ATP1A1: variants seen among roughly 807,000 people sequenced by gnomAD.
The protein encoded by ATP1A1 is sodium/potassium-transporting ATPase subunit alpha-1.
In ATP1A1, 14 loss-of-function variants were observed where a neutral mutation model predicts 114.8. That is an observed-to-expected ratio of 0.12 (90% CI 0.08 to 0.19). The LOEUF (loss-of-function observed/expected upper bound fraction) is 0.19. ATP1A1 is among the 10% of genes least tolerant of loss of function. The probability of loss-of-function intolerance (pLI) is 1.00; values close to 1 mark genes in which losing one functional copy is unlikely to be tolerated. For synonymous variants in ATP1A1, 471 were observed against 466.3 expected (o/e 1.01, Z -0.13); for missense variants, 524 against 1,290.7 (o/e 0.41, Z 9.10).
rs1357811288 is a variant in ATP1A1 at position 116,389,041 on chromosome 1, T to G, written c.754+22T>G. 6.3e-7 allele frequency: 1 copy of G among 1,588,662 alleles called. No homozygotes were observed. Among genetic ancestry groups the G allele is most frequent in the Non-Finnish European group, 8.6e-7 (1 of 1,157,360 alleles). ...GAAGGTAGGCCATTTTTGGGCACTT[T>G]GAGCATGGCGTGGTATTTCTCTTGG... On this transcript the variant is annotated intron_variant, in intron 7 of 22. Transcript: ENST00000295598. The surrounding 1 kb of genome is among the most constrained non-coding windows in gnomAD (Gnocchi z 6.9).
rs199784564 is a variant in ATP1A1, at chr1:116,384,166, A to G, written c.123+42A>G. 1 of 1,548,168 alleles carries G rather than the reference A, an allele frequency of 6.5e-7. No homozygotes were observed. The highest frequency in any genetic ancestry group is 1.7e-5 in the Admixed American group (1 of 57,756). On this transcript the variant is annotated intron_variant, in intron 2 of 22. Coordinates refer to ENST00000295598, the MANE Select transcript of ATP1A1 (RefSeq NM_000701.8). This position sits in a 1 kb window ranked among gnomAD's most constrained non-coding sequence, Gnocchi z 5.1. ...ATATTGTATTCCATCCTTATTAAAA[A>G]TCCATGATTTTTAATCCCCCAGGCC...
intron 10 of ATP1A1, chr1:116,392,133 A>G (rs1367836622): frequency 6.6e-6 from 1 of 152,270 alleles, no homozygotes; most frequent in Non-Finnish European, 1.5e-5. Flanking sequence ...AGGTTTACCT[A>G]TATAAAATTT....
intron 1 of ATP1A1, among the ~76,000 whole-genome samples, chr1:116,377,148 C>G (rs918649036): frequency 2.6e-5 from 4 of 152,142 alleles, no homozygotes; most frequent in African/African-American, 4.8e-5. Context: ...TAAAAACAAA[C>G]AGGTTTAAAA....
chr1:116,393,801 G>A lies in ATP1A1; in HGVS notation c.1660+78G>A. On this transcript the variant is annotated intron_variant, in intron 12 of 22. Coordinates refer to ENST00000295598, the MANE Select transcript of ATP1A1 (RefSeq NM_000701.8). This position sits in a 1 kb window ranked among gnomAD's most constrained non-coding sequence, Gnocchi z 5.0. The stretch of plus-strand genomic sequence containing the variant: ...CTAGTCTGGTAGACAGTTAACAAGT[G>A]ATCCTATGAACCTCTATGTCTTGTT... 1 of 1,396,984 alleles carries A rather than the reference G, an allele frequency of 7.2e-7. No homozygotes were observed. Among genetic ancestry groups the A allele is most frequent in the Non-Finnish European group, 9.7e-7 (1 of 1,033,836 alleles). 86.5% of individuals were successfully genotyped at this position (1,396,984 alleles called of 1,614,324 possible).
intron 1 of ATP1A1, chr1:116,373,977 A>C: frequency 7.3e-7 from 1 of 1,376,572 alleles, no homozygotes; most frequent in South Asian, 1.7e-5. Context: ...CCGTGCCCTG[A>C]GGAAAGGCGC....
In ATP1A1 at chr1:116,404,496, A is replaced by ACCCAC. The variant is rs753455374; in HGVS notation, c.*56_*60dup. 1 of 1,574,352 alleles carries ACCCAC rather than the reference A, an allele frequency of 6.4e-7. No homozygotes were observed. The highest frequency in any genetic ancestry group is 8.6e-7 in the Non-Finnish European group (1 of 1,165,582). The stretch of plus-strand genomic sequence containing the variant: ...TCAGGCCACACACTCTGCATCCGAC[A>ACCCAC]CCCACCCCCTCTTTGTGTACTTCAG... On this transcript the variant is annotated 3_prime_UTR_variant, in exon 23 of 23. Transcript: ENST00000295598. The surrounding 1 kb of genome is among the most constrained non-coding windows in gnomAD (Gnocchi z 4.8).
chr1:116,373,729 C>T (rs1651150273), intron 1 of ATP1A1: 2 of 935,308 alleles, frequency 2.1e-6, no homozygotes, highest in Admixed American at 6.6e-5. Flanking sequence ...GAAGGGAGCG[C>T]CGAGGGGCTG....
At chr1:116,382,067 C>A (rs1651782169) in intron 1 of ATP1A1, among the ~76,000 whole-genome samples, 1 of 152,068 alleles carries the variant, frequency 6.6e-6, no homozygotes. Flanking sequence ...CCCAGCTACT[C>A]AGGAGGCTGA....
Position 116,395,020 on chromosome 1 carries a change from G to C in ATP1A1, c.1661-90G>C. On this transcript the variant is annotated intron_variant, in intron 12 of 22. Coordinates refer to ENST00000295598, the MANE Select transcript of ATP1A1 (RefSeq NM_000701.8). The surrounding 1 kb of genome is among the most constrained non-coding windows in gnomAD (Gnocchi z 6.4). ...AAAATTTTCCAAAGTAAACACTCCA[G>C]AGAAAGGTAGGCGGGCTGAATAGGC... The C allele has an allele frequency of 7.3e-7, 1 of 1,374,686 alleles. No individual in the cohort carries two copies. Among genetic ancestry groups the C allele is most frequent in the East Asian group, 2.4e-5 (1 of 41,598 alleles). 85.2% of individuals were successfully genotyped at this position (1,374,686 alleles called of 1,614,324 possible).
chr1:116,397,751 G>T lies in ATP1A1; in HGVS notation c.1974-137G>T. 9.2e-7 allele frequency: 1 copy of T among 1,091,544 alleles called. No individual in the cohort carries two copies. The highest frequency in any genetic ancestry group is 1.6e-5 in the South Asian group (1 of 62,748). The allele number at this position is 1,091,544 out of a possible 1,614,324, so 67.6% of individuals were successfully genotyped here. A position where few individuals can be genotyped will look rare whatever the true frequency, so the allele number is the denominator to read the frequency against. ...CCTGTAAAGTACTGAACACTTAATAGCTTTTATGTGCTGGGGAAAATTCCT... is the reference window on the plus strand; with the variant it reads ...CCTGTAAAGTACTGAACACTTAATATCTTTTATGTGCTGGGGAAAATTCCT... On this transcript the variant is annotated intron_variant, in intron 14 of 22. Coordinates refer to ENST00000295598, the MANE Select transcript of ATP1A1 (RefSeq NM_000701.8). This position sits in a 1 kb window ranked among gnomAD's most constrained non-coding sequence, Gnocchi z 4.2.
intron 12 of ATP1A1, among the ~76,000 whole-genome samples, 175 bp from the exon 13 acceptor site, chr1:116,394,935 A>T (rs1432496370): frequency 6.6e-6 from 1 of 152,040 alleles, no homozygotes; most frequent in East Asian, 1.9e-4. Context: ...TCTTTCAGTG[A>T]CTCTATCGTT....
At position 116,389,295 on chromosome 1, in the gene ATP1A1, T is replaced by C. The variant is rs2101045067; in HGVS notation, c.755-144T>C. On this transcript the variant is annotated intron_variant, in intron 7 of 22. Coordinates refer to ENST00000295598, the MANE Select transcript of ATP1A1 (RefSeq NM_000701.8). This position sits in a 1 kb window ranked among gnomAD's most constrained non-coding sequence, Gnocchi z 6.9. ...AGAGAAGTCCCTTTGCCAAACAGCATGTACAGCCAAAGAGCTGGCCCTTAA... is the reference window on the plus strand; with the variant it reads ...AGAGAAGTCCCTTTGCCAAACAGCACGTACAGCCAAAGAGCTGGCCCTTAA... The C allele has an allele frequency of 1.8e-6, 2 of 1,093,984 alleles. No individual in the cohort carries two copies. The highest frequency in any genetic ancestry group is 3.1e-5 in the South Asian group (2 of 65,452). The allele number at this position is 1,093,984 out of a possible 1,614,324, so 67.8% of individuals were successfully genotyped here. A position where few individuals can be genotyped will look rare whatever the true frequency, so the allele number is the denominator to read the frequency against.
At chr1:116,392,523 A>C in intron 10 of ATP1A1, 2 of 189,350 alleles carry the variant, frequency 1.1e-5, no homozygotes, top group Non-Finnish European at 2.2e-5. Flanking sequence ...ACTTTTCAGT[A>C]GGCCAGGGGA....
chr1:116,378,607 T>C (rs1377355680), intron 1 of ATP1A1, among the ~76,000 whole-genome samples: 1 of 152,164 alleles, frequency 6.6e-6, no homozygotes, highest in African/African-American at 2.4e-5. Flanking sequence ...CTCTTGTGTG[T>C]TTCTTTTATC....
rs1652854906 is a variant in ATP1A1, at chr1:116,395,727, G to C, written c.1836+442G>C. 6.6e-6 allele frequency among the ~76,000 whole-genome samples: 1 copy of C among 151,910 alleles called. No homozygotes were observed. The highest frequency in any genetic ancestry group is 6.6e-5 in the Admixed American group (1 of 15,260). On this transcript the variant is annotated intron_variant, in intron 13 of 22. Transcript: ENST00000295598. This position sits in a 1 kb window ranked among gnomAD's most constrained non-coding sequence, Gnocchi z 6.4. ...CTAATATCCTGTTGCTGGGTATTTG[G>C]TTTCTGTTTTTTACTCTCAGGATTT...
intron 1 of ATP1A1, among the ~76,000 whole-genome samples, chr1:116,374,921 T>G (rs1254297315): frequency 6.6e-6 from 1 of 152,044 alleles, no homozygotes; most frequent in African/African-American, 2.4e-5. Context: ...CAGGCACAAG[T>G]GGAAATGCAC....
At chr1:116,391,332 C>T (rs1351507813) in intron 10 of ATP1A1, among the ~76,000 whole-genome samples, 2 of 152,114 alleles carry the variant, frequency 1.3e-5, no homozygotes, top group Non-Finnish European at 2.9e-5. Flanking sequence ...ATTTATTTTC[C>T]TGAAATAGCT....
chr1:116,377,567 A>T (rs577537670), intron 1 of ATP1A1, among the ~76,000 whole-genome samples: 1 of 152,240 alleles, frequency 6.6e-6, no homozygotes, highest in Non-Finnish European at 1.5e-5. Flanking sequence ...CTTTCTGTCT[A>T]CTTTCACTTC....
Position 116,404,456 on chromosome 1 carries a change from G to A in ATP1A1, c.*12G>A, listed in dbSNP as rs370445564. ...AAACCTACTATTAGCCCCCCGTCCT[G>A]CACGCCGTGGAGCATCAGGCCACAC... On this transcript the variant is annotated 3_prime_UTR_variant, in exon 23 of 23. Coordinates refer to ENST00000295598, the MANE Select transcript of ATP1A1 (RefSeq NM_000701.8). The surrounding 1 kb of genome is among the most constrained non-coding windows in gnomAD (Gnocchi z 4.8). 2.5e-6 allele frequency: 4 copies of A among 1,608,372 alleles called. No homozygotes were observed. The highest frequency in any genetic ancestry group is 3.4e-6 in the Non-Finnish European group (4 of 1,178,358).
Sources: gnomAD v4.1 joint callset for allele counts (sites outside exome capture counted in the v4.1 genomes callset) on GRCh38, gnomAD v4.1.1 for gene constraint, Gnocchi (gnomAD v3.1) non-coding constraint, MANE v1.5 for transcripts, NCBI Gene and HGNC (gene_info 2026-07-23, HGNC 2026-07-21) for gene names.